Variants in AKAP13 observed in about 807,000 individuals in gnomAD.
AKAP13 encodes A-kinase anchor protein 13.
A neutral mutation model predicts 264.5 loss-of-function variants in AKAP13; 80 were observed. The ratio of observed to expected loss-of-function variants is 0.30; its 90% confidence interval spans 0.25 to 0.36. The LOEUF (loss-of-function observed/expected upper bound fraction) is 0.36. AKAP13 is among the 10% of genes least tolerant of loss of function. The probability of loss-of-function intolerance (pLI) is 1.00; values close to 1 mark genes in which losing one functional copy is unlikely to be tolerated. For synonymous variants in AKAP13, 1,380 were observed against 1,250.2 expected (o/e 1.10, Z -2.19); for missense variants, 3,712 against 3,435.2 (o/e 1.08, Z -2.01).
intron 19 of AKAP13, among the ~76,000 whole-genome samples, chr15:85,712,318 C>CGTA (rs2086673812): frequency 6.6e-6 from 1 of 152,186 alleles, no homozygotes; most frequent in Admixed American, 6.5e-5. Context: ...CATCTTCACA[C>CGTA]GTAGATGACT....
rs1348768145 is a variant in AKAP13, at chr15:85,744,640, CAGA to C, written c.8408_8410del (p.Glu2803del). ...TTCACATTTCCAGATGGTCCCGCGT[CAGA>C]AGTATCAGCAGAGGGTGAAGAGATC... On this transcript the variant is annotated inframe_deletion, in exon 37 of 37. Transcript: ENST00000394518. 1 of 1,613,680 alleles carries C rather than the reference CAGA, an allele frequency of 6.2e-7. No homozygotes were observed. The highest frequency in any genetic ancestry group is 1.3e-5 in the African/African-American group (1 of 75,018).
rs766774367 is a variant in AKAP13, at chr15:85,655,704, C to T, written c.4662C>T (p.Ser1554=). 4 of 1,614,030 alleles carry T rather than the reference C, an allele frequency of 2.5e-6. No individual in the cohort carries two copies. The highest frequency in any genetic ancestry group is 2.7e-5 in the African/African-American group (2 of 74,920). The change falls in exon 11 of 37, where the codon TCC becomes TCT. Residue 1554 remains serine (S), a synonymous_variant. Coordinates refer to ENST00000394518, the MANE Select transcript of AKAP13 (RefSeq NM_007200.5). ...CAAACTGCTCTGTCCTAAGGAGCTC[C>T]ATGCGCTCTCTTTCTCCCTTCCGGA... is the stretch of plus-strand genomic sequence containing the variant. ...VPANCSVLRS[S]MRSLSPFRRH...
chr15:85,435,972 A>C (rs2073267541), intron 1 of AKAP13, among the ~76,000 whole-genome samples: 1 of 145,224 alleles, frequency 6.9e-6, no homozygotes, highest in Non-Finnish European at 1.5e-5. Context: ...AACAATATTA[A>C]CTTTAAATGT....
At chr15:85,513,295 T>C (rs2076504377) in intron 2 of AKAP13, among the ~76,000 whole-genome samples, 1 of 152,306 alleles carries the variant, frequency 6.6e-6, no homozygotes, top group South Asian at 2.1e-4. Flanking sequence ...TCTGTATTGA[T>C]AGGGCTTCCC....
intron 5 of AKAP13, among the ~76,000 whole-genome samples, chr15:85,554,325 T>A (rs1441765160): frequency 1.3e-5 from 2 of 152,184 alleles, no homozygotes; most frequent in African/African-American, 2.4e-5. Flanking sequence ...AGCTTAGATA[T>A]CTCTTTATTT....
intron 16 of AKAP13, 40 bp from the exon 17 acceptor site, chr15:85,693,237 G>A: frequency 6.5e-7 from 1 of 1,543,204 alleles, no homozygotes; most frequent in South Asian, 1.3e-5. Context: ...AAGCCCTCCA[G>A]TGTTCAATTA....
chr15:85,490,906 T>G (rs375757295), intron 2 of AKAP13, among the ~76,000 whole-genome samples: 1 of 152,152 alleles, frequency 6.6e-6, no homozygotes, highest in East Asian at 1.9e-4. Flanking sequence ...AGGGGCTGTT[T>G]TATCTTGGGT....
intron 8 of AKAP13, among the ~76,000 whole-genome samples, chr15:85,618,046 G>A (rs12898964): frequency 0.2 from 30,930 of 152,200 alleles, 4,165 homozygotes; most frequent in Middle Eastern, 0.41. Flanking sequence ...GGGGTTGTCC[G>A]CCTTCATTCC....
At chr15:85,477,147 G>C (rs2075190820) in intron 1 of AKAP13, among the ~76,000 whole-genome samples, 1 of 152,046 alleles carries the variant, frequency 6.6e-6, no homozygotes, top group South Asian at 2.1e-4. Context: ...CAAAAGAACT[G>C]TTCTAAAAGA....
At chr15:85,703,005 G>T (rs2086020169) in intron 17 of AKAP13, among the ~76,000 whole-genome samples, 1 of 152,198 alleles carries the variant, frequency 6.6e-6, no homozygotes, top group South Asian at 2.1e-4. Context: ...ATGATACTGA[G>T]ATTATTGCTG....
At chr15:85,603,219 C>T (rs1158579658) in intron 8 of AKAP13, among the ~76,000 whole-genome samples, 1 of 152,246 alleles carries the variant, frequency 6.6e-6, no homozygotes, top group African/African-American at 2.4e-5. Flanking sequence ...TTTCTCAAGA[C>T]AGGCATCACA....
rs146341478 is a variant in AKAP13, at chr15:85,619,691, C to T, written c.4162-19683C>T. 1,699 of 991,356 alleles carry T rather than the reference C, an allele frequency of 1.7e-3. 23 individuals carry two copies. In the African/African-American group the frequency reaches 0.027, roughly 16 times the overall value. 61.4% of individuals were successfully genotyped at this position (991,356 alleles called of 1,614,324 possible). A position where few individuals can be genotyped will look rare whatever the true frequency, so the allele number is the denominator to read the frequency against. Reference sequence around the variant, plus strand: ...TTGCCTTCTTGGGTTTTTTTCCCTACGTGTATCGGCCGTTATGCTTAGCCA... The same window carrying T: ...TTGCCTTCTTGGGTTTTTTTCCCTATGTGTATCGGCCGTTATGCTTAGCCA... On this transcript the variant is annotated intron_variant, in intron 8 of 36. Coordinates refer to ENST00000394518, the MANE Select transcript of AKAP13 (RefSeq NM_007200.5).
chr15:85,411,047 G>A (rs1035546847), intron 1 of AKAP13, among the ~76,000 whole-genome samples: 2 of 152,168 alleles, frequency 1.3e-5, no homozygotes, highest in African/African-American at 4.8e-5. Context: ...GAACATTCCT[G>A]AGACTCTTTC....
intron 5 of AKAP13, among the ~76,000 whole-genome samples, chr15:85,556,126 C>A (rs189828519): frequency 3.3e-5 from 5 of 152,240 alleles, no homozygotes; most frequent in African/African-American, 4.8e-5. Context: ...GCTGTGAATT[C>A]TTGGGGAAAT....
intron 8 of AKAP13, among the ~76,000 whole-genome samples, chr15:85,636,367 A>G (rs1180625715): frequency 1.3e-5 from 2 of 152,066 alleles, no homozygotes; most frequent in Non-Finnish European, 2.9e-5. Flanking sequence ...TTCCTTTCCA[A>G]TGGTATGCGT....
intron 9 of AKAP13, among the ~76,000 whole-genome samples, chr15:85,640,529 T>G (rs1397603259): frequency 6.6e-6 from 1 of 152,142 alleles, no homozygotes; most frequent in Non-Finnish European, 1.5e-5. Context: ...ATATGAGAAG[T>G]GTTTTTCTCT....
chr15:85,442,524 T>TAA (rs553536798), intron 1 of AKAP13, among the ~76,000 whole-genome samples: 5 of 113,466 alleles, frequency 4.4e-5, no homozygotes, highest in African/African-American at 1.3e-4. Context: ...ATATATTATA[T>TAA]TATATATAAT....
At chr15:85,436,708 T>G (rs2073316463) in intron 1 of AKAP13, among the ~76,000 whole-genome samples, 1 of 150,620 alleles carries the variant, frequency 6.6e-6, no homozygotes, top group Non-Finnish European at 1.5e-5. Flanking sequence ...AACCTGCTCC[T>G]GAATGACTAC....
chr15:85,682,946 C>T (rs1291988995), intron 15 of AKAP13, among the ~76,000 whole-genome samples: 1 of 105,132 alleles, frequency 9.5e-6, no homozygotes, highest in Non-Finnish European at 1.9e-5. Context: ...GGATTACAGG[C>T]GTGAAATTGA....
Sources: allele counts gnomAD v4.1 joint callset (sites outside exome capture counted in the v4.1 genomes callset), GRCh38; gene constraint gnomAD v4.1.1; transcripts MANE v1.5; gene names NCBI Gene and HGNC (gene_info 2026-07-23, HGNC 2026-07-21).